RGS7: variants seen among roughly 807,000 people sequenced by gnomAD.
The protein encoded by RGS7 is regulator of G-protein signaling 7.
In RGS7, 27 loss-of-function variants were observed where a neutral mutation model predicts 81.1. The ratio of observed to expected loss-of-function variants is 0.33; its 90% CI spans 0.25 to 0.46. The LOEUF (loss-of-function observed/expected upper bound fraction) is 0.46. Among genes scored for constraint, RGS7 ranks in the 20% least tolerant of loss-of-function variants. The pLI is 1.00. For missense variants in RGS7, 396 were observed against 607.4 expected (o/e 0.65, Z 3.66); for synonymous variants, 208 against 207.7 (o/e 1.00, Z -0.01).
intron 6 of RGS7, among the ~76,000 whole-genome samples, chr1:240,887,259 T>C (rs557550686): frequency 0.026 from 2,911 of 111,408 alleles, 95 homozygotes; most frequent in African/African-American, 0.089. Context: ...GATGGAGTCT[T>C]GCTCTTTTGC....
At chr1:241,130,944 A>AAC (rs1553265027) in intron 2 of RGS7, among the ~76,000 whole-genome samples, 4 of 150,134 alleles carry the variant, frequency 2.7e-5, no homozygotes, top group African/African-American at 1.0e-4. Flanking sequence ...AAAAAAAAAA[A>AAC]ACCAAGAGGC....
At chr1:241,134,154 C>A (rs1327739324) in intron 2 of RGS7, among the ~76,000 whole-genome samples, 1 of 152,184 alleles carries the variant, frequency 6.6e-6, no homozygotes, top group Admixed American at 6.5e-5. Context: ...GTTAGAATTT[C>A]TTTTCCTCTA....
In RGS7 at chr1:241,338,083, T is replaced by C. The variant is rs79858433; in HGVS notation, c.78+17616A>G. On this transcript the variant is annotated intron_variant, in intron 2 of 18. Coordinates refer to ENST00000440928, the MANE Select transcript of RGS7 (RefSeq NM_001364886.1). ...TAAAAGGAATACATGCATTATGTGA[T>C]GGCAAGAATGCTCATATTTTGCTTT... 3.6e-4 allele frequency among the ~76,000 whole-genome samples: 55 copies of C among 152,320 alleles called. 1 individual carries two copies. The highest frequency in any genetic ancestry group is 1.2e-3 in the African/African-American group (50 of 41,570).
At chr1:240,842,961 T>G (rs1025554887) in intron 9 of RGS7, among the ~76,000 whole-genome samples, 3 of 152,002 alleles carry the variant, frequency 2.0e-5, no homozygotes, top group Non-Finnish European at 4.4e-5. Context: ...TCAGGAGTTC[T>G]AGACCAGCCT....
chr1:240,867,633 G>A (rs1663556115), intron 9 of RGS7, among the ~76,000 whole-genome samples: 1 of 152,180 alleles, frequency 6.6e-6, no homozygotes, highest in African/African-American at 2.4e-5. Context: ...AGTGTGAGCT[G>A]ATTTGAATTT....
At chr1:241,344,119 T>C (rs2082737967) in intron 2 of RGS7, among the ~76,000 whole-genome samples, 1 of 152,088 alleles carries the variant, frequency 6.6e-6, no homozygotes, top group African/African-American at 2.4e-5. Context: ...ATAGAGGAAG[T>C]GGGGAAGTAG....
chr1:241,206,962 T>C (rs2073931679), intron 2 of RGS7, among the ~76,000 whole-genome samples: 1 of 40,410 alleles, frequency 2.5e-5, no homozygotes, highest in Non-Finnish European at 5.1e-5. Flanking sequence ...TCTCTCTGGT[T>C]TTTTTTTTTT....
chr1:240,975,851 C>T (rs4660017), intron 4 of RGS7, among the ~76,000 whole-genome samples: 121,595 of 152,278 alleles, frequency 0.8, 50,686 homozygotes, highest in East Asian at 1. Flanking sequence ...GCAGAGGAAA[C>T]ACGAACGTGG....
chr1:241,337,678 CAAG>C (rs2082324638), intron 2 of RGS7, among the ~76,000 whole-genome samples: 1 of 152,178 alleles, frequency 6.6e-6, no homozygotes, highest in African/African-American at 2.4e-5. Flanking sequence ...AGCAAACACT[CAAG>C]AAGGAGCCAG....
intron 3 of RGS7, among the ~76,000 whole-genome samples, chr1:241,095,916 T>C (rs1471882607): frequency 6.6e-6 from 1 of 152,216 alleles, no homozygotes; most frequent in Non-Finnish European, 1.5e-5. Flanking sequence ...CCTGTAAGTT[T>C]CCAAGTGATT....
chr1:241,247,220 G>T (rs1398631818), intron 2 of RGS7, among the ~76,000 whole-genome samples: 2 of 152,064 alleles, frequency 1.3e-5, no homozygotes, highest in East Asian at 3.9e-4. Context: ...AAGAATAAGG[G>T]TATCCTTGAA....
intron 2 of RGS7, among the ~76,000 whole-genome samples, chr1:241,266,832 C>CA (rs5782182): frequency 0.75 from 113,304 of 151,984 alleles, 42,339 homozygotes; most frequent in Admixed American, 0.83. Context: ...CTTTTGGATA[C>CA]AAAAATGTGA....
intron 10 of RGS7, among the ~76,000 whole-genome samples, chr1:240,819,802 T>A (rs1046232112): frequency 6.6e-6 from 1 of 151,646 alleles, no homozygotes; most frequent in Non-Finnish European, 1.5e-5. Flanking sequence ...CATTGGGAGG[T>A]GTTGCTTAAA....
At chr1:240,929,260 G>A (rs1674997642) in intron 6 of RGS7, among the ~76,000 whole-genome samples, 1 of 152,082 alleles carries the variant, frequency 6.6e-6, no homozygotes, top group Non-Finnish European at 1.5e-5. Flanking sequence ...ATATTCTTTA[G>A]TGAGACAATC....
intron 2 of RGS7, among the ~76,000 whole-genome samples, chr1:241,134,935 C>CGGCCGGAAGACACCTACCCT (rs546066971): frequency 1.3e-5 from 2 of 152,054 alleles, no homozygotes; most frequent in East Asian, 1.9e-4. Flanking sequence ...ACACCTACCC[C>CGGCCGGAAGACACCTACCCT]GGCCGGAAGA....
At chr1:240,903,263 A>T (rs895797787) in intron 6 of RGS7, among the ~76,000 whole-genome samples, 3 of 152,198 alleles carry the variant, frequency 2.0e-5, no homozygotes, top group Admixed American at 1.3e-4. Flanking sequence ...GAAATGTGGT[A>T]TGTCTGTGCT....
intron 11 of RGS7, among the ~76,000 whole-genome samples, 190 bp from the exon 12 acceptor site, chr1:240,814,967 AC>A (rs1325126701): frequency 6.6e-6 from 1 of 151,696 alleles, no homozygotes; most frequent in Non-Finnish European, 1.5e-5. Flanking sequence ...GAATTTGAAC[AC>A]AATTGATATC....
intron 3 of RGS7, among the ~76,000 whole-genome samples, chr1:241,081,612 T>G (rs1346510566): frequency 2.6e-5 from 4 of 152,250 alleles, no homozygotes; most frequent in African/African-American, 9.6e-5. Flanking sequence ...CATAGACTCT[T>G]GGCCTTGTGC....
At chr1:240,943,385 G>T (rs935682846) in intron 4 of RGS7, among the ~76,000 whole-genome samples, 49 of 152,172 alleles carry the variant, frequency 3.2e-4, no homozygotes, top group African/African-American at 1.1e-3. Context: ...AAGATTAGCA[G>T]TAAGGATCCA....
Sources: gnomAD v4.1 joint callset for allele counts (sites outside exome capture counted in the v4.1 genomes callset) on GRCh38, gnomAD v4.1.1 for gene constraint, MANE v1.5 for transcripts, NCBI Gene and HGNC (gene_info 2026-07-23, HGNC 2026-07-21) for gene names.